Variants in ZNF536 observed in about 807,000 individuals in gnomAD.
ZNF536 encodes zinc finger protein 536.
A neutral mutation model predicts 84.5 loss-of-function variants in ZNF536; 13 were observed. The observed-to-expected ratio is 0.15, with a 90% CI of 0.10 to 0.24. The LOEUF (loss-of-function observed/expected upper bound fraction) is 0.24, where lower values mean the gene tolerates loss of function less well. Among genes scored for constraint, ZNF536 ranks in the 10% least tolerant of loss-of-function variants. The probability of loss-of-function intolerance (pLI) is 1.00; values close to 1 mark genes in which losing one functional copy is unlikely to be tolerated. For missense variants in ZNF536, 1,536 were observed against 1,747.5 expected, an observed-to-expected ratio of 0.88 and a Z score of 2.16; for synonymous variants, 811 against 742.5, an observed-to-expected ratio of 1.09 and a Z score of -1.50.
At chr19:30,343,830 A>G (rs1428825847) in intron 2 of ZNF536, among the ~76,000 whole-genome samples, 2 of 152,182 alleles carry the variant, frequency 1.3e-5, no homozygotes, top group Non-Finnish European at 2.9e-5. Context: ...TCTGCCCCTG[A>G]AGAAGTCTCA....
chr19:30,452,762 A>G (rs2052663281), intron 2 of ZNF536, among the ~76,000 whole-genome samples: 1 of 152,028 alleles, frequency 6.6e-6, no homozygotes. Flanking sequence ...CAAATCCGTG[A>G]TGATTGGACT....
intron 1 of ZNF536, among the ~76,000 whole-genome samples, chr19:30,652,876 G>C (rs1600156097): frequency 6.6e-6 from 1 of 152,280 alleles, no homozygotes; most frequent in Non-Finnish European, 1.5e-5. Context: ...AAGCCAGAGA[G>C]GGATTATTCT....
chr19:30,247,932 T>C (rs1024854161), intron 1 of ZNF536, among the ~76,000 whole-genome samples: 4 of 152,230 alleles, frequency 2.6e-5, no homozygotes, highest in African/African-American at 9.6e-5. Flanking sequence ...TTTAACCAAA[T>C]CAGAGAGTAT....
intron 1 of ZNF536, among the ~76,000 whole-genome samples, chr19:30,678,733 G>GCCC (rs148987682): frequency 7.5e-5 from 10 of 132,754 alleles, no homozygotes; most frequent in African/African-American, 1.1e-4. Flanking sequence ...CCACCCCCAA[G>GCCC]CCCCCCCACA....
intron 2 of ZNF536, among the ~76,000 whole-genome samples, chr19:30,319,918 T>C (rs1462893410): frequency 6.6e-6 from 1 of 152,224 alleles, no homozygotes; most frequent in African/African-American, 2.4e-5. Context: ...CCCTTAGTGA[T>C]GTTTTGGGGA....
intron 1 of ZNF536, among the ~76,000 whole-genome samples, chr19:30,691,571 G>T (rs932157321): frequency 1.3e-5 from 2 of 152,172 alleles, no homozygotes; most frequent in African/African-American, 2.4e-5. Flanking sequence ...GCAGGTTATT[G>T]TTTGTGGACA....
At chr19:30,249,800 G>A in intron 1 of ZNF536, among the ~76,000 whole-genome samples, 1 of 152,214 alleles carries the variant, frequency 6.6e-6, no homozygotes, top group Non-Finnish European at 1.5e-5. Context: ...AATGGAGGTG[G>A]AAGGCTGAAG....
At chr19:30,632,665 A>G (rs1010006870) in intron 1 of ZNF536, among the ~76,000 whole-genome samples, 2 of 151,456 alleles carry the variant, frequency 1.3e-5, no homozygotes, top group Non-Finnish European at 3.0e-5. Context: ...CAACCAACCA[A>G]CCAACCAACC....
At chr19:30,487,159 C>T (rs59290556) in intron 2 of ZNF536, among the ~76,000 whole-genome samples, 17,151 of 152,130 alleles carry the variant, frequency 0.11, 1,369 homozygotes, top group East Asian at 0.28. Flanking sequence ...CTCGTTGACC[C>T]AGTAATTCTG....
At chr19:30,451,375 A>G (rs1600791448) in intron 2 of ZNF536, among the ~76,000 whole-genome samples, 1 of 152,056 alleles carries the variant, frequency 6.6e-6, no homozygotes, top group Non-Finnish European at 1.5e-5. Context: ...CTTCCCATTC[A>G]CTTGGTAGAC....
chr19:30,336,926 G>A (rs979238880), intron 2 of ZNF536, among the ~76,000 whole-genome samples: 1 of 152,184 alleles, frequency 6.6e-6, no homozygotes, highest in African/African-American at 2.4e-5. Flanking sequence ...TTAGTTCGAG[G>A]AAAGTGCAGC....
chr19:30,595,974 C>T (rs1035179879), intron 1 of ZNF536, among the ~76,000 whole-genome samples: 1 of 152,104 alleles, frequency 6.6e-6, no homozygotes, highest in Admixed American at 6.5e-5. Context: ...TTCTATAGGA[C>T]CCAGAGAAGC....
At chr19:30,477,266 C>A (rs2053889094) in intron 2 of ZNF536, among the ~76,000 whole-genome samples, 1 of 152,114 alleles carries the variant, frequency 6.6e-6, no homozygotes, top group Admixed American at 6.5e-5. Context: ...TCCATCTCCC[C>A]ACTAGAATGC....
chr19:30,595,572 G>A (rs1256681391), intron 1 of ZNF536, among the ~76,000 whole-genome samples: 2 of 152,184 alleles, frequency 1.3e-5, no homozygotes, highest in Admixed American at 6.5e-5. Context: ...ACAGTGGTGA[G>A]CCACCATGCC....
At chr19:30,394,200 T>C (rs1266765010) in intron 1 of ZNF536, among the ~76,000 whole-genome samples, 1 of 152,170 alleles carries the variant, frequency 6.6e-6, no homozygotes, top group Non-Finnish European at 1.5e-5. Flanking sequence ...CCAAGACTTT[T>C]CCTTAAACGA....
chr19:30,583,210 G>T (rs1364725989), intron 1 of ZNF536, among the ~76,000 whole-genome samples: 1 of 152,182 alleles, frequency 6.6e-6, no homozygotes, highest in Non-Finnish European at 1.5e-5. Flanking sequence ...GGAGTTCCTG[G>T]TCTCTGAGTG....
chr19:30,366,406 C>T (rs926808741), intron 3 of ZNF536, among the ~76,000 whole-genome samples: 2 of 140,306 alleles, frequency 1.4e-5, no homozygotes, highest in African/African-American at 5.3e-5. Context: ...CTATATCTAT[C>T]TCCTTCCTTC....
chr19:30,526,523 G>C (rs1295421190), intron 2 of ZNF536, among the ~76,000 whole-genome samples: 1 of 126,484 alleles, frequency 7.9e-6, no homozygotes. Context: ...AGGAGATCGA[G>C]ACCATCCCGG....
intron 1 of ZNF536, among the ~76,000 whole-genome samples, chr19:30,272,381 G>A (rs1297278124): frequency 1.3e-5 from 2 of 152,084 alleles, no homozygotes; most frequent in Non-Finnish European, 2.9e-5. Flanking sequence ...ATTTGTGTTA[G>A]TGTGGTACTT....
Sources: gnomAD v4.1 joint callset for allele counts (sites outside exome capture counted in the v4.1 genomes callset) on GRCh38, gnomAD v4.1.1 for gene constraint, MANE v1.5 for transcripts, NCBI Gene and HGNC (gene_info 2026-07-23, HGNC 2026-07-21) for gene names.